The following CFH variants were observed in gnomAD, a reference collection of about 807,000 sequenced individuals.
CFH encodes complement factor H.
CFH carries 53 observed loss-of-function variants against 147.3 expected under a neutral mutation model. The ratio of observed to expected loss-of-function variants is 0.36; its 90% CI spans 0.29 to 0.45. The LOEUF is 0.45. CFH is among the 20% of genes least tolerant of loss of function. CFH has a pLI of 1.00. For missense variants in CFH, 1,380 were observed against 1,498.0 expected (o/e 0.92, Z 1.30); for synonymous variants, 536 against 489.4 (o/e 1.10, Z -1.26).
chr1:196,704,630 C>G (rs1668543170), intron 9 of CFH, among the ~76,000 whole-genome samples: 3 of 152,194 alleles, frequency 2.0e-5, no homozygotes, highest in African/African-American at 7.2e-5. Flanking sequence ...CAGTACAAGT[C>G]AAGTTTTGTG....
chr1:196,745,885 G>C lies in CFH; in HGVS notation c.3379G>C (p.Val1127Leu), dbSNP rs1652986857. The change falls in exon 21 of 22, where the codon GTA becomes CTA. Residue 1127 changes from valine (V) to leucine (L), a missense_variant. This residue lies in a region of CFH where 123 missense variants were observed against 185.3 expected (regional missense o/e 0.66). Coordinates refer to ENST00000367429, the MANE Select transcript of CFH (RefSeq NM_000186.4). Reference sequence around the variant, plus strand: ...GGACATTACTTCATTCCCGTTGTCAGTATATGCTCCAGCTTCATCAGTTGA... The same window carrying C: ...GGACATTACTTCATTCCCGTTGTCACTATATGCTCCAGCTTCATCAGTTGA... ...NGDITSFPLS[V>L]YAPASSVEYQ... The C allele has an allele frequency of 1.2e-6, 2 of 1,614,020 alleles. No individual in the cohort carries two copies. Among genetic ancestry groups the C allele is most frequent in the East Asian group, 2.2e-5 (1 of 44,872 alleles).
Position 196,741,027 on chromosome 1 carries a change from C to T in CFH, c.2956+235C>T, listed in dbSNP as rs11582939. ...TTAAGCATCCTCTGATGTATATTCT[C>T]AGACTTCTCATCTCTGTTCTTAGGG... On this transcript the variant is annotated intron_variant, in intron 18 of 21. Coordinates refer to ENST00000367429, the MANE Select transcript of CFH (RefSeq NM_000186.4). The T allele has an allele frequency of 0.18, 93,400 of 518,106 alleles. 10,354 individuals are homozygous for T. The highest frequency in any genetic ancestry group is 0.48 in the East Asian group (13,563 of 28,420). The allele number at this position is 518,106 out of a possible 1,614,324, so 32.1% of individuals were successfully genotyped here.
intron 21 of CFH, among the ~76,000 whole-genome samples, chr1:196,746,535 TGA>T (rs2149118363): frequency 6.6e-6 from 1 of 152,382 alleles, no homozygotes; most frequent in East Asian, 1.9e-4. Context: ...AAATATATTT[TGA>T]TGTTTGACAA....
chr1:196,676,123 G>C, intron 4 of CFH, 58 bp downstream of exon 4: 1 of 1,072,926 alleles, frequency 9.3e-7, no homozygotes. Flanking sequence ...TTTAAAAAAA[G>C]TCTTACATTA....
At chr1:196,675,669 G>C (rs1356172045) in intron 3 of CFH, among the ~76,000 whole-genome samples, 1 of 151,976 alleles carries the variant, frequency 6.6e-6, no homozygotes, top group African/African-American at 2.4e-5. Context: ...TGATTTTGTC[G>C]TGAACCAAGG....
In CFH at chr1:196,685,247, A is replaced by G. The variant is rs1667787148; in HGVS notation, c.964+10A>G. 6.2e-7 allele frequency: 1 copy of G among 1,612,512 alleles called. No homozygotes were observed. Among genetic ancestry groups the G allele is most frequent in the Non-Finnish European group, 8.5e-7 (1 of 1,178,912 alleles). On this transcript the variant is annotated intron_variant, in intron 7 of 21. Transcript: ENST00000367429. ...GCTCCGAGATGTACCTGTAAGTTCC[A>G]TTCATATCTTGACCCATTTCTTAAT...
intron 4 of CFH, 137 bp downstream of exon 4, chr1:196,676,202 A>T (rs1457379899): frequency 2.8e-5 from 15 of 539,558 alleles, no homozygotes; most frequent in African/African-American, 2.7e-4. Context: ...GTAGAGTGGG[A>T]ATCTAGTCTT....
intron 1 of CFH, among the ~76,000 whole-genome samples, chr1:196,662,788 A>G (rs777595098): frequency 5.1e-4 from 77 of 152,144 alleles, no homozygotes; most frequent in Non-Finnish European, 5.9e-4. Flanking sequence ...GGGCTGAGGC[A>G]GGGGACCACT....
At chr1:196,709,592 T>C (rs1030155694) in intron 9 of CFH, among the ~76,000 whole-genome samples, 2 of 152,174 alleles carry the variant, frequency 1.3e-5, no homozygotes, top group African/African-American at 2.4e-5. Context: ...AATTCAACTA[T>C]GATTTCAGGA....
At chr1:196,732,324 G>T (rs1669298166) in intron 15 of CFH, among the ~76,000 whole-genome samples, 2 of 151,754 alleles carry the variant, frequency 1.3e-5, no homozygotes, top group Admixed American at 6.6e-5. Flanking sequence ...TCAAATTTGT[G>T]ATTTTTGTTT....
chr1:196,712,710 C>A (rs576529287), intron 9 of CFH, among the ~76,000 whole-genome samples: 2,997 of 150,894 alleles, frequency 0.02, 93 homozygotes, highest in African/African-American at 0.069. Flanking sequence ...TGGTGTGCTG[C>A]ACCCATTAAC....
At chr1:196,739,185 G>A (rs1290135826) in intron 17 of CFH, among the ~76,000 whole-genome samples, 1 of 152,194 alleles carries the variant, frequency 6.6e-6, no homozygotes, top group African/African-American at 2.4e-5. Context: ...GGGCTTCTGG[G>A]CCTGTGATGG....
chr1:196,685,612 G>A (rs532663680), intron 7 of CFH, among the ~76,000 whole-genome samples: 1 of 152,182 alleles, frequency 6.6e-6, no homozygotes, highest in East Asian at 1.9e-4. Flanking sequence ...CTATCGGTCA[G>A]TAATCTCAAA....
chr1:196,696,267 A>G (rs539136782), intron 9 of CFH, among the ~76,000 whole-genome samples: 6 of 152,270 alleles, frequency 3.9e-5, no homozygotes, highest in East Asian at 1.9e-4. Flanking sequence ...AGTCTCTCAG[A>G]CCACAGTGAA....
chr1:196,714,664 T>TAG (rs1668816023), intron 10 of CFH, among the ~76,000 whole-genome samples: 8 of 31,794 alleles, frequency 2.5e-4, no homozygotes, highest in East Asian at 1.3e-3. Flanking sequence ...TATATATATA[T>TAG]ATATAGAGAG....
Position 196,723,945 on chromosome 1 carries a change from C to T in CFH, c.1697-1176C>T, listed in dbSNP as rs35582046. Reference sequence around the variant, plus strand: ...GAATTGGATCCACGGGACATGTTCCCCTCTCTACATCCGTGCCCAAGCGCT... The same window carrying T: ...GAATTGGATCCACGGGACATGTTCCTCTCTCTACATCCGTGCCCAAGCGCT... On this transcript the variant is annotated intron_variant, in intron 11 of 21. Coordinates refer to ENST00000367429, the MANE Select transcript of CFH (RefSeq NM_000186.4). Among the ~76,000 whole-genome samples, 1,334 of 152,070 alleles carry T rather than the reference C, an allele frequency of 8.8e-3. 13 individuals carry two copies. Among genetic ancestry groups the T allele is most frequent in the Non-Finnish European group, 0.015 (997 of 67,974 alleles).
intron 11 of CFH, among the ~76,000 whole-genome samples, chr1:196,716,420 T>C (rs1489865007): frequency 2.6e-5 from 4 of 152,138 alleles, no homozygotes; most frequent in African/African-American, 4.8e-5. Flanking sequence ...CCAGATCAGC[T>C]CAAGGCATCA....
rs1447916735 is a variant in CFH at position 196,715,819 on chromosome 1, T to C, written c.1696+50T>C. ...CATTTTCAAAATGAAAATAAATCTG[T>C]TTTCCAATTTTAAAAATTTGAATTA... On this transcript the variant is annotated intron_variant, in intron 11 of 21. Coordinates refer to ENST00000367429, the MANE Select transcript of CFH (RefSeq NM_000186.4). 2.0e-6 allele frequency: 3 copies of C among 1,508,616 alleles called. No individual in the cohort carries two copies. In the South Asian group the frequency reaches 3.6e-5, roughly 18 times the overall value. The allele number at this position is 1,508,616 out of a possible 1,614,324, so 93.5% of individuals were successfully genotyped here.
chr1:196,682,752 A>C (rs915906302), intron 6 of CFH, among the ~76,000 whole-genome samples: 4 of 151,662 alleles, frequency 2.6e-5, no homozygotes, highest in African/African-American at 9.7e-5. Context: ...TTTTACATAA[A>C]ATAGTAAAAT....
Sources: gnomAD v4.1 joint callset for allele counts (sites outside exome capture counted in the v4.1 genomes callset) on GRCh38, gnomAD v4.1.1 for gene constraint, gnomAD v4.1.1 regional missense constraint, MANE v1.5 for transcripts, NCBI Gene and HGNC (gene_info 2026-07-23, HGNC 2026-07-21) for gene names.